MAF: variants seen among roughly 807,000 people sequenced by gnomAD.
MAF encodes transcription factor Maf.
MAF carries 10 observed loss-of-function variants against 22.0 expected under a neutral mutation model. The observed-to-expected ratio is 0.45, with a 90% confidence interval of 0.28 to 0.77. MAF has a LOEUF of 0.77. Among genes scored for constraint, MAF ranks in the 30% least tolerant of loss-of-function variants. The pLI, the probability that MAF is intolerant of heterozygous loss-of-function variation, is 0.12. For missense variants in MAF, 544 were observed against 548.4 expected (o/e 0.99, Z 0.08); for synonymous variants, 337 against 255.8 (o/e 1.32, Z -3.03).
At chr16:79,471,870 A>C in the MAF span, among the ~76,000 whole-genome samples, 2 of 152,232 alleles carry the variant, frequency 1.3e-5, no homozygotes, top group South Asian at 2.1e-4. Context: ...TTGTTAGAAG[A>C]AAAAACTTTT....
At chr16:79,211,819 A>T in the MAF span, 1 of 1,613,676 alleles carries the variant, frequency 6.2e-7, no homozygotes, top group Non-Finnish European at 8.5e-7. Flanking sequence ...GCGGATGGGC[A>T]CACACACCCG....
At chr16:79,546,242 C>T in the MAF span, among the ~76,000 whole-genome samples, 15 of 151,910 alleles carry the variant, frequency 9.9e-5, no homozygotes, top group Admixed American at 2.0e-4. Context: ...CCCCAGTCAT[C>T]TTAATTTAAA....
the MAF span, among the ~76,000 whole-genome samples, chr16:79,432,038 A>G: frequency 1.3e-5 from 2 of 152,094 alleles, no homozygotes; most frequent in African/African-American, 4.8e-5. Flanking sequence ...CTGTGTCCTC[A>G]CCAGAAATCT....
At chr16:79,293,383 T>C in the MAF span, among the ~76,000 whole-genome samples, 7 of 152,318 alleles carry the variant, frequency 4.6e-5, no homozygotes, top group South Asian at 1.5e-3. Context: ...AATTATTTTC[T>C]GGAAACAGAG....
chr16:79,221,759 A>ATG, the MAF span, among the ~76,000 whole-genome samples: 184 of 146,024 alleles, frequency 1.3e-3, no homozygotes, highest in Non-Finnish European at 1.9e-3. Flanking sequence ...TTGTGTGTGT[A>ATG]TGTGTGTGTG....
At chr16:79,539,150 ATTTGTGGTAGTATAAACTAATTCAGTC>A in the MAF span, among the ~76,000 whole-genome samples, 3 of 152,208 alleles carry the variant, frequency 2.0e-5, no homozygotes, top group Admixed American at 6.5e-5. Flanking sequence ...CTCCTGTGGT[ATTTGTGGTAGTATAAACTAATTCAGTC>A]TTTCTGGAAA....
At chr16:79,389,699 G>A in the MAF span, among the ~76,000 whole-genome samples, 3 of 152,060 alleles carry the variant, frequency 2.0e-5, no homozygotes, top group Non-Finnish European at 4.4e-5. Flanking sequence ...AGATCAGGCC[G>A]GGCATGGTGG....
At chr16:79,598,551 A>G in intron 1 of MAF, 2 of 1,417,446 alleles carry the variant, frequency 1.4e-6, no homozygotes, top group South Asian at 2.9e-5. Context: ...TAAAACAGCC[A>G]CCACCACCAC....
chr16:79,256,722 G>A, the MAF span, among the ~76,000 whole-genome samples: 2 of 152,128 alleles, frequency 1.3e-5, no homozygotes, highest in Non-Finnish European at 2.9e-5. Flanking sequence ...GCACTCAATT[G>A]GTACAACTGT....
chr16:79,395,622 C>A, the MAF span, among the ~76,000 whole-genome samples: 1 of 152,232 alleles, frequency 6.6e-6, no homozygotes, highest in Admixed American at 6.5e-5. Flanking sequence ...GAGCTTGCCA[C>A]CCACCAGCAG....
chr16:79,211,482 A>G, the MAF span: 1 of 1,231,306 alleles, frequency 8.1e-7, no homozygotes, highest in South Asian at 1.3e-5. Flanking sequence ...ACCCTTTGCT[A>G]TGCCAAGATC....
At chr16:79,384,302 A>G in the MAF span, among the ~76,000 whole-genome samples, 635 of 152,016 alleles carry the variant, frequency 4.2e-3, 1 homozygote, top group African/African-American at 0.014. Context: ...CAAATTAGCT[A>G]GGTGTGGTGG....
At chr16:79,416,796 T>G in the MAF span, among the ~76,000 whole-genome samples, 4 of 152,150 alleles carry the variant, frequency 2.6e-5, no homozygotes, top group Non-Finnish European at 5.9e-5. Flanking sequence ...CTGTAGAAAG[T>G]TGGGGAAGCC....
At chr16:79,293,810 A>G in the MAF span, among the ~76,000 whole-genome samples, 79 of 151,646 alleles carry the variant, frequency 5.2e-4, no homozygotes, top group Non-Finnish European at 9.6e-4. Flanking sequence ...GTGCCAGTCT[A>G]TAATTTCTCA....
the MAF span, among the ~76,000 whole-genome samples, chr16:79,216,302 G>A: frequency 1.3e-5 from 2 of 152,042 alleles, no homozygotes; most frequent in Non-Finnish European, 2.9e-5. Context: ...CATTATAGAT[G>A]TATAACACAT....
the MAF span, among the ~76,000 whole-genome samples, chr16:79,567,015 C>T: frequency 1.3e-5 from 2 of 152,106 alleles, 1 homozygote; most frequent in South Asian, 4.1e-4. Context: ...GAAAGACTAC[C>T]TACAATTGAG....
chr16:79,562,108 C>G, the MAF span, among the ~76,000 whole-genome samples: 1 of 152,174 alleles, frequency 6.6e-6, no homozygotes, highest in Non-Finnish European at 1.5e-5. Flanking sequence ...CTTTCCATCC[C>G]TATTCCCTTA....
chr16:79,469,505 A>T, the MAF span, among the ~76,000 whole-genome samples: 13 of 152,336 alleles, frequency 8.5e-5, no homozygotes, highest in Admixed American at 7.8e-4. Flanking sequence ...ATTGAACAGT[A>T]TGAAGATGAA....
the MAF span, among the ~76,000 whole-genome samples, chr16:79,268,304 T>C: frequency 2.0e-5 from 3 of 152,124 alleles, no homozygotes; most frequent in African/African-American, 2.4e-5. Context: ...GTTATGATCA[T>C]GGGCTTGTAG....
Sources: gnomAD v4.1 joint callset for allele counts (sites outside exome capture counted in the v4.1 genomes callset) on GRCh38, gnomAD v4.1.1 for gene constraint, MANE v1.5 for transcripts, NCBI Gene and HGNC (gene_info 2026-07-23, HGNC 2026-07-21) for gene names.